ZBTB20: variants seen among roughly 807,000 people sequenced by gnomAD.
ZBTB20 encodes the protein zinc finger and BTB domain containing 20.
In ZBTB20, 9 loss-of-function variants were observed where a neutral mutation model predicts 56.9. The observed-to-expected ratio is 0.16, with a 90% CI of 0.10 to 0.28. The LOEUF (loss-of-function observed/expected upper bound fraction) is 0.28. Ranked by LOEUF, ZBTB20 falls within the 10% of genes least tolerant of loss-of-function variation. The pLI is 1.00. For synonymous variants in ZBTB20, 417 were observed against 420.7 expected, an observed-to-expected ratio of 0.99 and a Z score of 0.11; for missense variants, 655 against 1,003.0, an observed-to-expected ratio of 0.65 and a Z score of 4.69.
intron 5 of ZBTB20, among the ~76,000 whole-genome samples, chr3:114,786,309 C>A (rs2070488699): frequency 6.6e-6 from 1 of 151,954 alleles, no homozygotes. Flanking sequence ...CACTCCCCAA[C>A]AGGCCCCAGT....
chr3:115,133,459 A>G (rs1432902882), intron 1 of ZBTB20, among the ~76,000 whole-genome samples: 1 of 152,174 alleles, frequency 6.6e-6, no homozygotes, highest in Non-Finnish European at 1.5e-5. Context: ...AGGTTGTATA[A>G]ATATCACCAA....
At chr3:114,632,843 G>A (rs918560947) in intron 6 of ZBTB20, among the ~76,000 whole-genome samples, 1 of 152,140 alleles carries the variant, frequency 6.6e-6, no homozygotes, top group African/African-American at 2.4e-5. Flanking sequence ...CTGAAAGCTG[G>A]CACAAGAATC....
chr3:115,125,148 C>A (rs1457473497), intron 1 of ZBTB20, among the ~76,000 whole-genome samples: 1 of 151,932 alleles, frequency 6.6e-6, no homozygotes, highest in East Asian at 1.9e-4. Flanking sequence ...CTGAGACCAG[C>A]GTGGGCAACA....
chr3:114,744,467 C>T (rs1031729109), intron 5 of ZBTB20, among the ~76,000 whole-genome samples: 1 of 152,072 alleles, frequency 6.6e-6, no homozygotes, highest in Non-Finnish European at 1.5e-5. Context: ...CCCCTGCCCT[C>T]CTGTCGGAAG....
intron 2 of ZBTB20, among the ~76,000 whole-genome samples, chr3:115,059,108 T>C (rs1205614387): frequency 2.0e-5 from 3 of 152,240 alleles, no homozygotes; most frequent in African/African-American, 7.2e-5. Context: ...TTTATAATAA[T>C]GGTTACAAAA....
At chr3:115,087,601 T>C (rs1159575436) in intron 1 of ZBTB20, among the ~76,000 whole-genome samples, 1 of 151,878 alleles carries the variant, frequency 6.6e-6, no homozygotes, top group African/African-American at 2.4e-5. Flanking sequence ...GATTGTCCAA[T>C]TTCCTCACTG....
chr3:114,703,272 C>T (rs541416575), intron 5 of ZBTB20, among the ~76,000 whole-genome samples: 7 of 152,092 alleles, frequency 4.6e-5, no homozygotes, highest in Non-Finnish European at 7.4e-5. Flanking sequence ...TATTCTGGTC[C>T]CTCTTCTCTC....
At chr3:114,908,982 T>C (rs1251068108) in intron 3 of ZBTB20, among the ~76,000 whole-genome samples, 1 of 151,666 alleles carries the variant, frequency 6.6e-6, no homozygotes, top group African/African-American at 2.4e-5. Flanking sequence ...TATTTAAGAA[T>C]GAAAAAAAAT....
chr3:114,973,589 G>A (rs2077977053), intron 3 of ZBTB20, among the ~76,000 whole-genome samples: 1 of 152,144 alleles, frequency 6.6e-6, no homozygotes. Flanking sequence ...GTGCACTGGT[G>A]TAAAGAAATT....
At chr3:114,453,933 C>A (rs79553301) in intron 7 of ZBTB20, among the ~76,000 whole-genome samples, 19 of 113,122 alleles carry the variant, frequency 1.7e-4, no homozygotes, top group East Asian at 6.4e-4. Flanking sequence ...CCCCCCCCCC[C>A]ACCCTTCCCT....
At chr3:114,766,310 C>A (rs1177146442) in intron 5 of ZBTB20, among the ~76,000 whole-genome samples, 2 of 151,986 alleles carry the variant, frequency 1.3e-5, no homozygotes, top group Non-Finnish European at 2.9e-5. Flanking sequence ...GATAAAAAAG[C>A]CTGTAGACAG....
At position 114,339,209 on chromosome 3, in the gene ZBTB20, C is replaced by T. The variant is rs1354432480; in HGVS notation, c.2022G>A (p.Lys674=). Residue 674 remains lysine, a synonymous_variant, in exon 12 of 12, where the codon AAG becomes AAA. Transcript: ENST00000675478. The surrounding 1 kb of genome is among the most constrained non-coding windows in gnomAD (Gnocchi z 4.2). ...GGGCCACGTGTCGCTCCAGGAGGGT[C>T]TTGTGAGAGAACTTCTTTTTGCAGA... ...CYICKKKFSH[K]TLLERHVALH... 6.2e-7 allele frequency: 1 copy of T among 1,614,214 alleles called. No homozygotes were observed.
At chr3:114,403,087 C>A (rs1398285478) in intron 7 of ZBTB20, among the ~76,000 whole-genome samples, 1 of 144,850 alleles carries the variant, frequency 6.9e-6, no homozygotes, top group Non-Finnish European at 1.5e-5. Flanking sequence ...ATATGTGGCA[C>A]AACAAACCAC....
At chr3:114,832,494 C>A (rs910407253) in intron 4 of ZBTB20, among the ~76,000 whole-genome samples, 1 of 151,938 alleles carries the variant, frequency 6.6e-6, no homozygotes, top group Admixed American at 6.6e-5. Flanking sequence ...TCTATTCTAA[C>A]AAAGTAAATT....
At position 114,839,274 on chromosome 3, in the gene ZBTB20, G is replaced by A. The variant is rs564682522; in HGVS notation, c.-416-38100C>T. On this transcript the variant is annotated intron_variant, in intron 4 of 11. Coordinates refer to ENST00000675478, the MANE Select transcript of ZBTB20 (RefSeq NM_001348800.3). Reference sequence around the variant, plus strand: ...AACTGTGCTTGGTGTGTTGGTGTGCGCCTATGGTCCCAGCTACTTGGGAGG... The same window carrying A: ...AACTGTGCTTGGTGTGTTGGTGTGCACCTATGGTCCCAGCTACTTGGGAGG... Among the ~76,000 whole-genome samples the A allele has an allele frequency of 6.6e-5, 10 of 152,032 alleles. No homozygotes were observed. In the East Asian group the frequency reaches 1.5e-3, roughly 24 times the overall value.
intron 3 of ZBTB20, among the ~76,000 whole-genome samples, chr3:114,941,605 A>T (rs543104607): frequency 2.7e-5 from 4 of 145,468 alleles, no homozygotes; most frequent in Admixed American, 2.6e-4. Context: ...ATATCTAAAG[A>T]CTCTATAGCT....
chr3:114,859,267 CCATT>C (rs138462352), intron 4 of ZBTB20, among the ~76,000 whole-genome samples: 104,399 of 140,654 alleles, frequency 0.74, 42,720 homozygotes, highest in East Asian at 0.98. Context: ...CTCCTTCCTT[CCATT>C]CTTCCTTCCT....
chr3:114,644,451 G>GTTCA (rs1578133041), intron 6 of ZBTB20, among the ~76,000 whole-genome samples: 1 of 152,094 alleles, frequency 6.6e-6, no homozygotes, highest in East Asian at 1.9e-4. Flanking sequence ...CATCACTGCA[G>GTTCA]TTCATTCATT....
chr3:114,685,000 C>T lies in ZBTB20; in HGVS notation c.-295+8528G>A, dbSNP rs569248672. 5.9e-5 allele frequency among the ~76,000 whole-genome samples: 9 copies of T among 152,272 alleles called. No homozygotes were observed. The South Asian group carries it at 1.9e-3, about 32-fold the overall frequency. ...TCAATATTTACAAAGCTCTTTCCAT[C>T]TTATATCCCGCTTCCTTTTTCTTTT... On this transcript the variant is annotated intron_variant, in intron 6 of 11. Coordinates refer to ENST00000675478, the MANE Select transcript of ZBTB20 (RefSeq NM_001348800.3).
Sources: allele counts gnomAD v4.1 joint callset (sites outside exome capture counted in the v4.1 genomes callset), GRCh38; gene constraint gnomAD v4.1.1; non-coding constraint Gnocchi (gnomAD v3.1); transcripts MANE v1.5; gene names NCBI Gene and HGNC (gene_info 2026-07-23, HGNC 2026-07-21).